The following CAMTA1 variants were observed in gnomAD, a reference collection of about 807,000 sequenced individuals.
CAMTA1 encodes the protein calmodulin-binding transcription activator 1.
CAMTA1 carries 27 observed loss-of-function variants against 170.9 expected under a neutral mutation model. That is an observed-to-expected ratio of 0.16 (90% CI 0.12 to 0.22). CAMTA1 has a LOEUF of 0.22. CAMTA1 is among the 10% of genes least tolerant of loss of function. CAMTA1 has a pLI of 1.00. For missense variants in CAMTA1, 1,619 were observed against 2,217.2 expected (o/e 0.73, Z 5.42); for synonymous variants, 833 against 891.5 (o/e 0.93, Z 1.17).
intron 4 of CAMTA1, among the ~76,000 whole-genome samples, chr1:7,204,970 CAGGT>C (rs901845996): frequency 6.6e-6 from 1 of 151,502 alleles, no homozygotes; most frequent in African/African-American, 2.4e-5. Context: ...GCTGGGACTA[CAGGT>C]GCCCGGACCA....
chr1:7,465,468 G>T (rs2149529632), intron 5 of CAMTA1, among the ~76,000 whole-genome samples: 1 of 145,564 alleles, frequency 6.9e-6, no homozygotes, highest in Non-Finnish European at 1.5e-5. Context: ...ACCATCCAGG[G>T]ACCACGCTTC....
chr1:7,679,721 G>C (rs61205571), intron 11 of CAMTA1, among the ~76,000 whole-genome samples: 22,709 of 152,250 alleles, frequency 0.15, 1,845 homozygotes, highest in East Asian at 0.24. Context: ...CATCGCCTCT[G>C]TTACCACCAG....
intron 11 of CAMTA1, among the ~76,000 whole-genome samples, chr1:7,730,279 A>G: frequency 6.6e-6 from 1 of 151,252 alleles, no homozygotes; most frequent in Non-Finnish European, 1.5e-5. Context: ...ACTCCTGCAC[A>G]CCTCCAGCTC....
At chr1:7,378,477 G>A (rs1406449982) in intron 5 of CAMTA1, among the ~76,000 whole-genome samples, 6 of 152,202 alleles carry the variant, frequency 3.9e-5, no homozygotes, top group African/African-American at 7.2e-5. Flanking sequence ...ACCTGAGGAC[G>A]TATTGCTGAG....
At chr1:7,169,048 T>G (rs1037375119) in intron 4 of CAMTA1, among the ~76,000 whole-genome samples, 3 of 152,216 alleles carry the variant, frequency 2.0e-5, no homozygotes, top group African/African-American at 7.2e-5. Context: ...CTAGTAAGAA[T>G]AATCATATAC....
At chr1:7,347,266 G>T (rs2149852499) in intron 5 of CAMTA1, among the ~76,000 whole-genome samples, 1 of 152,290 alleles carries the variant, frequency 6.6e-6, no homozygotes, top group Non-Finnish European at 1.5e-5. Context: ...GTTCCATCGG[G>T]AAGGGGCTTC....
intron 22 of CAMTA1, among the ~76,000 whole-genome samples, chr1:7,766,229 G>A (rs370127601): frequency 1.2e-4 from 18 of 147,254 alleles, no homozygotes; most frequent in Admixed American, 6.9e-5. Flanking sequence ...TAGAGCGCTC[G>A]ATGTAGAGCA....
chr1:6,855,791 A>G (rs1196705357), intron 3 of CAMTA1, among the ~76,000 whole-genome samples: 3 of 152,182 alleles, frequency 2.0e-5, no homozygotes, highest in Admixed American at 1.3e-4. Context: ...TGTAAAGAAT[A>G]TGAAAATAGC....
At chr1:7,525,331 G>A (rs1480827150) in intron 6 of CAMTA1, among the ~76,000 whole-genome samples, 3 of 151,824 alleles carry the variant, frequency 2.0e-5, no homozygotes, top group Non-Finnish European at 4.4e-5. Flanking sequence ...AGCAGGCAGA[G>A]GACAAGCCCC....
Position 7,665,225 on chromosome 1 carries a change from T to A in CAMTA1, c.2652+26T>A. 2 of 1,428,090 alleles carry A rather than the reference T, an allele frequency of 1.4e-6. No individual in the cohort carries two copies. The highest frequency in any genetic ancestry group is 1.8e-6 in the Non-Finnish European group (2 of 1,095,116). 88.5% of individuals were successfully genotyped at this position (1,428,090 alleles called of 1,614,324 possible). On this transcript the variant is annotated intron_variant, in intron 9 of 22. Coordinates refer to ENST00000303635, the MANE Select transcript of CAMTA1 (RefSeq NM_015215.4). The surrounding 1 kb of genome is among the most constrained non-coding windows in gnomAD (Gnocchi z 4.3). Reference sequence around the variant, plus strand: ...GTAAGCTGCCGCCGCTGCCACCACCTGTCACCTCCCCTCCCACCCACCTCG... The same window carrying A: ...GTAAGCTGCCGCCGCTGCCACCACCAGTCACCTCCCCTCCCACCCACCTCG...
intron 6 of CAMTA1, among the ~76,000 whole-genome samples, chr1:7,522,668 G>A (rs1043807543): frequency 3.9e-5 from 6 of 152,134 alleles, no homozygotes; most frequent in African/African-American, 1.2e-4. Flanking sequence ...TAAGGTTTAG[G>A]TCGAGGTTCC....
At chr1:7,546,171 T>A (rs1374285689) in intron 6 of CAMTA1, among the ~76,000 whole-genome samples, 1 of 152,110 alleles carries the variant, frequency 6.6e-6, no homozygotes, top group Non-Finnish European at 1.5e-5. Flanking sequence ...TTAGCCAGGA[T>A]AGTCTCGATC....
intron 3 of CAMTA1, among the ~76,000 whole-genome samples, chr1:7,001,077 G>A (rs557867852): frequency 7.2e-5 from 11 of 152,180 alleles, no homozygotes; most frequent in Admixed American, 2.0e-4. Flanking sequence ...CATGAGTATC[G>A]GAGTAATGGT....
Position 7,249,745 on chromosome 1 carries a change from C to A in CAMTA1, c.438+119C>A. 8.2e-7 allele frequency: 1 copy of A among 1,213,608 alleles called. No homozygotes were observed. Among genetic ancestry groups the A allele is most frequent in the Non-Finnish European group, 1.1e-6 (1 of 885,024 alleles). The allele number at this position is 1,213,608 out of a possible 1,614,324, so 75.2% of individuals were successfully genotyped here. On this transcript the variant is annotated intron_variant, in intron 5 of 22. Transcript: ENST00000303635. This position sits in a 1 kb window ranked among gnomAD's most constrained non-coding sequence, Gnocchi z 4.4. ...CTCTGTCCAAAGAATTTTTGTTTGCCAAGACCCTGGTTTTTGCTTTTGTTT... is the reference window on the plus strand; with the variant it reads ...CTCTGTCCAAAGAATTTTTGTTTGCAAAGACCCTGGTTTTTGCTTTTGTTT...
At chr1:6,968,016 T>A (rs1343173936) in intron 3 of CAMTA1, among the ~76,000 whole-genome samples, 1 of 152,228 alleles carries the variant, frequency 6.6e-6, no homozygotes, top group African/African-American at 2.4e-5. Context: ...GTAATAATGC[T>A]TTAACTCGAA....
At chr1:7,001,297 C>G (rs1304471402) in intron 3 of CAMTA1, among the ~76,000 whole-genome samples, 1 of 152,196 alleles carries the variant, frequency 6.6e-6, no homozygotes, top group Non-Finnish European at 1.5e-5. Context: ...GGACAATGCT[C>G]TCTACGTATT....
chr1:7,378,156 C>T (rs887510009), intron 5 of CAMTA1, among the ~76,000 whole-genome samples: 6 of 152,104 alleles, frequency 3.9e-5, no homozygotes, highest in Admixed American at 1.3e-4. Flanking sequence ...GAAATTCTCC[C>T]AATTGTAGTG....
rs1191773853 is a variant in CAMTA1 at position 7,468,337 on chromosome 1, G to C, written c.510+436G>C. On this transcript the variant is annotated intron_variant, in intron 6 of 22. Coordinates refer to ENST00000303635, the MANE Select transcript of CAMTA1 (RefSeq NM_015215.4). ...TGCCAGGCACAGCTGGATTGATTGG[G>C]ATAGCTGTGGGGAAAGGAGGAAGGA... Among the ~76,000 whole-genome samples the C allele has an allele frequency of 2.6e-5, 4 of 152,238 alleles. No individual in the cohort carries two copies. The East Asian group carries it at 5.8e-4, about 22-fold the overall frequency.
chr1:7,685,734 C>T lies in CAMTA1; in HGVS notation c.2914+8001C>T, dbSNP rs2096252506. ...TACTAGGGTGCAGGGATGGCTGCCCCTCTGTTTGTCTTCTTGGATCCAGGC... is the reference window on the plus strand; with the variant it reads ...TACTAGGGTGCAGGGATGGCTGCCCTTCTGTTTGTCTTCTTGGATCCAGGC... On this transcript the variant is annotated intron_variant, in intron 11 of 22. Coordinates refer to ENST00000303635, the MANE Select transcript of CAMTA1 (RefSeq NM_015215.4). The surrounding 1 kb of genome is among the most constrained non-coding windows in gnomAD (Gnocchi z 5.7). Among the ~76,000 whole-genome samples the T allele has an allele frequency of 6.6e-6, 1 of 152,202 alleles. No homozygotes were observed. Among genetic ancestry groups the T allele is most frequent in the African/African-American group, 2.4e-5 (1 of 41,454 alleles).
Sources: gnomAD v4.1 joint callset for allele counts (sites outside exome capture counted in the v4.1 genomes callset) on GRCh38, gnomAD v4.1.1 for gene constraint, Gnocchi (gnomAD v3.1) non-coding constraint, MANE v1.5 for transcripts, NCBI Gene and HGNC (gene_info 2026-07-23, HGNC 2026-07-21) for gene names.